Variants in SUMF1 observed in about 807,000 individuals in gnomAD.
The protein encoded by SUMF1 is sulfatase modifying factor 1, also known as formylglycine-generating enzyme.
In SUMF1, 48 loss-of-function variants were observed where a neutral mutation model predicts 47.6. That is an observed-to-expected ratio of 1.01 (90% CI 0.80 to 1.28). The LOEUF is 1.28. Among genes scored for constraint, SUMF1 ranks in the 50% most tolerant of loss-of-function variants. SUMF1 has a pLI of 0.00. For synonymous variants in SUMF1, 230 were observed against 192.1 expected, an observed-to-expected ratio of 1.20 and a Z score of -1.63; for missense variants, 571 against 485.4, an observed-to-expected ratio of 1.18 and a Z score of -1.66.
chr3:4,348,275 C>T (rs1250620063), intron 8 of SUMF1, among the ~76,000 whole-genome samples: 1 of 152,174 alleles, frequency 6.6e-6, no homozygotes, highest in African/African-American at 2.4e-5. Flanking sequence ...TGACTTCAAA[C>T]TATACTACAA....
At chr3:4,171,224 G>C (rs1829725) in intron 8 of SUMF1, among the ~76,000 whole-genome samples, 99,713 of 152,038 alleles carry the variant, frequency 0.66, 32,858 homozygotes, top group South Asian at 0.73. Flanking sequence ...TCAGCAGCAA[G>C]GAGTATTGCA....
At chr3:4,456,655 T>TGTGTATATATATATATAC (rs1295248572) in intron 1 of SUMF1, among the ~76,000 whole-genome samples, 11 of 145,372 alleles carry the variant, frequency 7.6e-5, no homozygotes, top group African/African-American at 2.5e-4. Flanking sequence ...TATATATGTG[T>TGTGTATATATATATATAC]GTGTATATAT....
chr3:4,116,617 G>A (rs1251719946), intron 8 of SUMF1, among the ~76,000 whole-genome samples: 1 of 152,032 alleles, frequency 6.6e-6, no homozygotes, highest in Non-Finnish European at 1.5e-5. Flanking sequence ...TTATCCCTGA[G>A]TTTCTTTCCT....
At chr3:4,059,998 G>A (rs374304071) in intron 9 of SUMF1, among the ~76,000 whole-genome samples, 9 of 152,126 alleles carry the variant, frequency 5.9e-5, no homozygotes, top group African/African-American at 1.4e-4. Context: ...GAGGGGCTAC[G>A]GATGAGCTGA....
At chr3:4,365,998 A>T (rs1209364297) in intron 8 of SUMF1, among the ~76,000 whole-genome samples, 1 of 151,816 alleles carries the variant, frequency 6.6e-6, no homozygotes, top group Non-Finnish European at 1.5e-5. Context: ...CTGGATATGA[A>T]ATTCTGGGTT....
chr3:4,397,298 A>G (rs1434382581), intron 7 of SUMF1, among the ~76,000 whole-genome samples: 1 of 152,250 alleles, frequency 6.6e-6, no homozygotes. Context: ...AACACAGGGT[A>G]CAGACTACAT....
intron 3 of SUMF1, among the ~76,000 whole-genome samples, chr3:4,447,150 G>A (rs1245501163): frequency 6.6e-6 from 1 of 151,750 alleles, no homozygotes; most frequent in Non-Finnish European, 1.5e-5. Flanking sequence ...CATTTGTGTT[G>A]TGTGATTTTC....
rs150796908 is a variant in SUMF1, at chr3:4,146,955, G to T, written c.1015-78210C>A. Among the ~76,000 whole-genome samples the T allele has an allele frequency of 9.2e-3, 1,400 of 152,138 alleles. 30 individuals are homozygous for T. The highest frequency in any genetic ancestry group is 0.032 in the African/African-American group (1,340 of 41,486). On this transcript the variant is annotated intron_variant and NMD_transcript_variant, in intron 8 of 12. Coordinates refer to the SUMF1 transcript ENST00000448413. The stretch of plus-strand genomic sequence containing the variant: ...CTATCGTTGTTGGACATTTGGCTTG[G>T]TTCCAAGTCTTTGCTATTGTGAATA...
In SUMF1 at chr3:4,313,393, A is replaced by G. The variant is rs372873713; in HGVS notation, c.1014+62937T>C. 5.1e-5 allele frequency: 82 copies of G among 1,613,730 alleles called. No individual in the cohort carries two copies. Among genetic ancestry groups the G allele is most frequent in the Middle Eastern group, 3.3e-4 (2 of 6,082 alleles). ...TGTTGACCCTACTTATATAGGAAATATTGGAAGATTCCTTAATCATTCTTG... is the reference window on the plus strand; with the variant it reads ...TGTTGACCCTACTTATATAGGAAATGTTGGAAGATTCCTTAATCATTCTTG... On this transcript the variant is annotated intron_variant and NMD_transcript_variant, in intron 8 of 12. Coordinates refer to the SUMF1 transcript ENST00000448413.
At chr3:4,199,171 G>C (rs901457870) in intron 8 of SUMF1, among the ~76,000 whole-genome samples, 1 of 152,166 alleles carries the variant, frequency 6.6e-6, no homozygotes, top group East Asian at 1.9e-4. Flanking sequence ...CCTACTCACA[G>C]CTCCACAGAA....
chr3:4,383,765 A>G (rs780065906), intron 7 of SUMF1, among the ~76,000 whole-genome samples: 3 of 152,244 alleles, frequency 2.0e-5, no homozygotes, highest in Non-Finnish European at 4.4e-5. Flanking sequence ...CGATGTGAAC[A>G]TGAAGTGCAT....
At chr3:4,401,074 C>T (rs909983296) in intron 7 of SUMF1, among the ~76,000 whole-genome samples, 3 of 149,300 alleles carry the variant, frequency 2.0e-5, no homozygotes, top group Non-Finnish European at 3.0e-5. Flanking sequence ...GTCTGGTTTT[C>T]TGTCCTTGTG....
At chr3:4,169,888 C>G (rs1210207529) in intron 8 of SUMF1, among the ~76,000 whole-genome samples, 1 of 152,176 alleles carries the variant, frequency 6.6e-6, no homozygotes, top group Non-Finnish European at 1.5e-5. Context: ...AAAAGAACTA[C>G]TCAGCAAGAG....
rs147415175 is a variant in SUMF1 at position 4,436,102 on chromosome 3, C to T, written c.519+13164G>A. ...TTTGAGACCAGCCTGGGCAACATGG[C>T]GAAACCCCATCTCTATTTTTAAAAA... On this transcript the variant is annotated intron_variant, in intron 3 of 8. Coordinates refer to ENST00000272902, the MANE Select transcript of SUMF1 (RefSeq NM_182760.4). Among the ~76,000 whole-genome samples, 332 of 151,934 alleles carry T rather than the reference C, an allele frequency of 2.2e-3. 2 individuals are homozygous for T. Among genetic ancestry groups the T allele is most frequent in the African/African-American group, 7.7e-3 (319 of 41,472 alleles).
chr3:4,087,075 C>T (rs1692687478), intron 8 of SUMF1, among the ~76,000 whole-genome samples: 1 of 152,170 alleles, frequency 6.6e-6, no homozygotes, highest in Non-Finnish European at 1.5e-5. Context: ...ATCTTTTCCC[C>T]ACTTTAGTTT....
chr3:4,171,943 T>C (rs1694841443), intron 8 of SUMF1, among the ~76,000 whole-genome samples: 1 of 152,100 alleles, frequency 6.6e-6, no homozygotes, highest in South Asian at 2.1e-4. Context: ...ACTCCACCCT[T>C]TGAGGCACCT....
At chr3:4,043,969 A>ACAGGCTGC (rs1487096670) in intron 9 of SUMF1, among the ~76,000 whole-genome samples, 49 of 2,776 alleles carry the variant, frequency 0.018, no homozygotes, top group Non-Finnish European at 0.064. Flanking sequence ...TACTAGGCAC[A>ACAGGCTGC]TATTCCAAGG....
At chr3:4,035,932 A>G (rs1436724627) in intron 9 of SUMF1, among the ~76,000 whole-genome samples, 2 of 152,104 alleles carry the variant, frequency 1.3e-5, no homozygotes, top group African/African-American at 4.8e-5. Context: ...TGAGAAATGA[A>G]TGCTTTGGGT....
At chr3:4,449,234 G>A (rs1702884956) in intron 3 of SUMF1, 32 bp downstream of exon 3, 1 of 1,612,480 alleles carries the variant, frequency 6.2e-7, no homozygotes, top group Non-Finnish European at 8.5e-7. Context: ...GAGCCTTAGA[G>A]AAATACAGGA....
Sources: gnomAD v4.1 joint callset for allele counts (sites outside exome capture counted in the v4.1 genomes callset) on GRCh38, gnomAD v4.1.1 for gene constraint, MANE v1.5 for transcripts, NCBI Gene and HGNC (gene_info 2026-07-23, HGNC 2026-07-21) for gene names.